GALNT7: variants seen among roughly 807,000 people sequenced by gnomAD.
GALNT7 encodes the protein polypeptide N-acetylgalactosaminyltransferase 7, also known as N-acetylgalactosaminyltransferase 7.
GALNT7 carries 60 observed loss-of-function variants against 82.1 expected under a neutral mutation model. The ratio of observed to expected loss-of-function variants is 0.73; its 90% CI spans 0.59 to 0.91. The LOEUF is 0.91. Ranked by LOEUF, GALNT7 falls within the 40% of genes least tolerant of loss-of-function variation. The pLI is 0.00. For synonymous variants in GALNT7, 243 were observed against 275.1 expected (o/e 0.88, Z 1.15); for missense variants, 660 against 804.2 (o/e 0.82, Z 2.17).
intron 2 of GALNT7, among the ~76,000 whole-genome samples, chr4:173,248,998 G>A (rs1222665610): frequency 2.6e-5 from 4 of 152,148 alleles, no homozygotes; most frequent in Non-Finnish European, 5.9e-5. Context: ...GTAACACTCA[G>A]ATAGATAAAA....
chr4:173,231,443 T>C (rs1332750305), intron 1 of GALNT7, among the ~76,000 whole-genome samples: 1 of 152,200 alleles, frequency 6.6e-6, no homozygotes, highest in Non-Finnish European at 1.5e-5. Flanking sequence ...TTGTTTAGCA[T>C]TGTGGCCACC....
chr4:173,250,660 T>C (rs1281615269), intron 2 of GALNT7, among the ~76,000 whole-genome samples: 2 of 152,132 alleles, frequency 1.3e-5, no homozygotes, highest in African/African-American at 4.8e-5. Context: ...CAGAAATCAG[T>C]GTGGTCTTTT....
intron 11 of GALNT7, among the ~76,000 whole-genome samples, chr4:173,321,224 A>G (rs1206494632): frequency 6.6e-6 from 1 of 152,166 alleles, no homozygotes; most frequent in Non-Finnish European, 1.5e-5. Context: ...ATGTGAGTGA[A>G]TGAGGAAAAG....
chr4:173,297,711 A>G (rs947441800), intron 5 of GALNT7: 3 of 589,992 alleles, frequency 5.1e-6, no homozygotes, highest in East Asian at 3.2e-5. Context: ...AAACAAATCA[A>G]CAACAAAAAG....
At chr4:173,216,729 T>TA (rs1561157905) in intron 1 of GALNT7, among the ~76,000 whole-genome samples, 2 of 10,342 alleles carry the variant, frequency 1.9e-4, no homozygotes, top group African/African-American at 7.1e-4. Context: ...ATATATATAT[T>TA]TTTTTTTTTT....
chr4:173,205,898 G>A (rs1733076298), intron 1 of GALNT7, among the ~76,000 whole-genome samples: 1 of 152,110 alleles, frequency 6.6e-6, no homozygotes, highest in African/African-American at 2.4e-5. Context: ...GGCTGTTGGG[G>A]TTGGCCTGGT....
intron 2 of GALNT7, among the ~76,000 whole-genome samples, chr4:173,272,955 A>G (rs1225139484): frequency 6.6e-6 from 1 of 152,222 alleles, no homozygotes; most frequent in Non-Finnish European, 1.5e-5. Context: ...GGCCATTACT[A>G]TCAATGTTTA....
chr4:173,234,309 A>AAAGATTTATTATCTGCATAAAGAT (rs568294154), intron 1 of GALNT7, among the ~76,000 whole-genome samples: 49 of 152,268 alleles, frequency 3.2e-4, no homozygotes, highest in African/African-American at 9.4e-4. Flanking sequence ...TCTTGAGTCA[A>AAAGATTTATTATCTGCATAAAGAT]TTATTATCTG....
At chr4:173,199,392 G>A (rs1019459434) in intron 1 of GALNT7, among the ~76,000 whole-genome samples, 1 of 152,152 alleles carries the variant, frequency 6.6e-6, no homozygotes, top group Admixed American at 6.5e-5. Context: ...GCCTCTCAGT[G>A]GATTGTTAGT....
chr4:173,194,920 G>C (rs1483866663), intron 1 of GALNT7, among the ~76,000 whole-genome samples: 1 of 152,100 alleles, frequency 6.6e-6, no homozygotes, highest in Non-Finnish European at 1.5e-5. Context: ...TGCTGCTGTT[G>C]AAGAGATCAG....
At chr4:173,242,654 T>C (rs1273182341) in intron 1 of GALNT7, among the ~76,000 whole-genome samples, 1 of 152,152 alleles carries the variant, frequency 6.6e-6, no homozygotes, top group Non-Finnish European at 1.5e-5. Flanking sequence ...CAGCCGGAAA[T>C]GTCTAGTCCA....
chr4:173,295,530 GGAA>G lies in GALNT7; in HGVS notation c.885+6_885+8del. 6.2e-7 allele frequency: 1 copy of G among 1,612,632 alleles called. No homozygotes were observed. Among genetic ancestry groups the G allele is most frequent in the Non-Finnish European group, 8.5e-7 (1 of 1,179,142 alleles). On this transcript the variant is annotated splice_donor_5th_base_variant and intron_variant, in intron 4 of 11. Transcript: ENST00000265000. ...TCAGAAGGCTAAACTTGGACAGGTAGGAAGCATTTGATATCTACAATGTCAACA... is the reference window on the plus strand; with the variant it reads ...TCAGAAGGCTAAACTTGGACAGGTAGGCATTTGATATCTACAATGTCAACA...
chr4:173,309,249 C>T (rs1737286091), intron 8 of GALNT7, among the ~76,000 whole-genome samples: 1 of 152,184 alleles, frequency 6.6e-6, no homozygotes, highest in African/African-American at 2.4e-5. Context: ...GTTCTAGTTC[C>T]TTCTATTGAT....
At chr4:173,211,437 C>CA (rs1290407955) in intron 1 of GALNT7, among the ~76,000 whole-genome samples, 16 of 152,198 alleles carry the variant, frequency 1.1e-4, no homozygotes, top group African/African-American at 3.9e-4. Context: ...TGTGATCAAA[C>CA]AGCTTTCCCA....
At chr4:173,240,304 T>TAA (rs1734380175) in intron 1 of GALNT7, among the ~76,000 whole-genome samples, 1 of 151,610 alleles carries the variant, frequency 6.6e-6, no homozygotes, top group Admixed American at 6.6e-5. Context: ...GTCAAATACT[T>TAA]ACTAATGTAT....
chr4:173,224,283 A>G (rs995560853), intron 1 of GALNT7, among the ~76,000 whole-genome samples: 2 of 151,786 alleles, frequency 1.3e-5, no homozygotes, highest in Non-Finnish European at 2.9e-5. Context: ...ATCTCACCAT[A>G]TCGAATTTTT....
At chr4:173,221,959 G>C (rs982602340) in intron 1 of GALNT7, among the ~76,000 whole-genome samples, 1 of 152,130 alleles carries the variant, frequency 6.6e-6, no homozygotes, top group Non-Finnish European at 1.5e-5. Context: ...GTAACAAAGT[G>C]AACATTTTAA....
chr4:173,241,586 T>A (rs1734435039), intron 1 of GALNT7, among the ~76,000 whole-genome samples: 1 of 152,246 alleles, frequency 6.6e-6, no homozygotes, highest in African/African-American at 2.4e-5. Context: ...TTCCTTTTAT[T>A]CAGATGACTA....
rs147478308 is a variant in GALNT7 at position 173,178,779 on chromosome 4, T to C, written c.126+9818T>C. Among the ~76,000 whole-genome samples the C allele has an allele frequency of 3.4e-3, 521 of 152,334 alleles. 3 individuals are homozygous for C. Among genetic ancestry groups the C allele is most frequent in the African/African-American group, 0.012 (495 of 41,580 alleles). ...CAAATCTAGAAGGTACGATTAACTA[T>C]AGTATTATATCAATACCAACTAGTC... On this transcript the variant is annotated intron_variant, in intron 1 of 11. Coordinates refer to ENST00000265000, the MANE Select transcript of GALNT7 (RefSeq NM_017423.3).
Sources: allele counts gnomAD v4.1 joint callset (sites outside exome capture counted in the v4.1 genomes callset), GRCh38; gene constraint gnomAD v4.1.1; transcripts MANE v1.5; gene names NCBI Gene and HGNC (gene_info 2026-07-23, HGNC 2026-07-21).